Variants in TTC23L observed in about 807,000 individuals in gnomAD.
TTC23L encodes tetratricopeptide repeat protein 23-like.
A neutral mutation model predicts 48.1 loss-of-function variants in TTC23L; 42 were observed. That is an observed-to-expected ratio of 0.87 (90% CI 0.68 to 1.13). The LOEUF (loss-of-function observed/expected upper bound fraction) is 1.13. Ranked by LOEUF, TTC23L falls within the 50% of genes most tolerant of loss-of-function variation. The pLI, the probability that TTC23L is intolerant of heterozygous loss-of-function variation, is 0.00. For missense variants in TTC23L, 391 were observed against 421.0 expected, an observed-to-expected ratio of 0.93 and a Z score of 0.62; for synonymous variants, 159 against 157.2, an observed-to-expected ratio of 1.01 and a Z score of -0.09.
the TTC23L span, chr5:34,915,440 G>C: frequency 3.1e-6 from 1 of 326,650 alleles, no homozygotes; most frequent in African/African-American, 2.1e-5. Context: ...CTGGACGCCC[G>C]AGAGCCCTTC....
At chr5:34,925,543 T>C in the TTC23L span, 1 of 1,510,998 alleles carries the variant, frequency 6.6e-7, no homozygotes, top group South Asian at 1.3e-5. Flanking sequence ...ATTTATTTTG[T>C]ATTCAATGTG....
exon 9 of TTC23L, chr5:34,880,270 G>A (rs767790013): frequency 1.2e-6 from 2 of 1,613,028 alleles, no homozygotes; most frequent in Admixed American, 1.7e-5. Context: ...CACCACTGAA[G>A]AATTTTGCAA....
the TTC23L span, among the ~76,000 whole-genome samples, chr5:34,909,734 C>T: frequency 1.3e-5 from 2 of 152,176 alleles, no homozygotes; most frequent in Non-Finnish European, 2.9e-5. Context: ...CCCAATCCTA[C>T]ACCTAGGAAT....
rs531904463 is a variant in TTC23L at position 34,880,829 on chromosome 5, G to C, written c.1077+521G>C. On this transcript the variant is annotated intron_variant, in intron 9 of 10. Coordinates refer to ENST00000505624, the Ensembl canonical transcript of TTC23L. ...AATTTTTGTATTTTTAGTAGAGATG[G>C]GGTTTCTCCATGTTGACCAGTCTGG... 1.4e-3 allele frequency among the ~76,000 whole-genome samples: 211 copies of C among 152,114 alleles called. 1 individual carries two copies. Among genetic ancestry groups the C allele is most frequent in the African/African-American group, 4.7e-3 (197 of 41,492 alleles).
chr5:34,886,309 C>T (rs1762533325), intron 9 of TTC23L, among the ~76,000 whole-genome samples: 1 of 148,460 alleles, frequency 6.7e-6, no homozygotes, highest in South Asian at 2.1e-4. Flanking sequence ...ATGCCTTCTC[C>T]ATAGAGCTCA....
intron 3 of TTC23L, among the ~76,000 whole-genome samples, chr5:34,848,602 A>C (rs1411954980): frequency 6.6e-6 from 1 of 152,174 alleles, no homozygotes; most frequent in Non-Finnish European, 1.5e-5. Context: ...ATTTTAGATA[A>C]GGTGGCCAAA....
intron 4 of TTC23L, among the ~76,000 whole-genome samples, chr5:34,857,125 G>C (rs1158761579): frequency 4.6e-5 from 7 of 152,184 alleles, no homozygotes; most frequent in Non-Finnish European, 1.5e-5. Flanking sequence ...CAGAACAAGT[G>C]ACACTAGAAG....
intron 4 of TTC23L, among the ~76,000 whole-genome samples, chr5:34,855,484 G>A (rs1382570941): frequency 1.3e-5 from 2 of 152,186 alleles, no homozygotes; most frequent in African/African-American, 4.8e-5. Context: ...GGGTGAGAAG[G>A]TAAGGATTCA....
chr5:34,873,619 A>G (rs1761629020), intron 8 of TTC23L, among the ~76,000 whole-genome samples: 1 of 152,312 alleles, frequency 6.6e-6, no homozygotes, highest in East Asian at 1.9e-4. Flanking sequence ...GATCGCCTGC[A>G]TGTTGACACT....
exon 6 of TTC23L, chr5:34,864,549 C>T: frequency 1.2e-6 from 2 of 1,613,264 alleles, no homozygotes; most frequent in Non-Finnish European, 8.5e-7. Context: ...CGACCTAACA[C>T]TTGCTTTGGG....
chr5:34,859,556 G>GATTA (rs1760407891), intron 4 of TTC23L, among the ~76,000 whole-genome samples: 1 of 131,110 alleles, frequency 7.6e-6, no homozygotes, highest in South Asian at 2.7e-4. Context: ...TCATGAATGG[G>GATTA]ATTAAGGCCG....
intron 9 of TTC23L, among the ~76,000 whole-genome samples, chr5:34,895,276 C>T (rs951106371): frequency 2.6e-5 from 4 of 152,146 alleles, no homozygotes; most frequent in African/African-American, 9.7e-5. Context: ...ATCTTAAGCC[C>T]CACTTTTCTC....
chr5:34,895,785 A>T (rs1266049329), intron 9 of TTC23L, among the ~76,000 whole-genome samples: 4 of 152,160 alleles, frequency 2.6e-5, no homozygotes, highest in Admixed American at 2.0e-4. Context: ...AAAAGAAAGG[A>T]GGTGATATGC....
At chr5:34,877,793 AC>A (rs1761962369) in intron 8 of TTC23L, among the ~76,000 whole-genome samples, 1 of 152,164 alleles carries the variant, frequency 6.6e-6, no homozygotes, top group Non-Finnish European at 1.5e-5. Context: ...GTTTCCTCTC[AC>A]CACTCCTTTT....
the TTC23L span, chr5:34,911,636 CCT>C: frequency 6.2e-7 from 1 of 1,614,054 alleles, no homozygotes. Context: ...TCACGGAGCC[CCT>C]CTGACTGCAG....
intron 1 of TTC23L, chr5:34,839,627 T>G (rs985703657): frequency 6.0e-5 from 59 of 985,126 alleles, no homozygotes; most frequent in Non-Finnish European, 6.5e-5. Flanking sequence ...CTTTCTGATT[T>G]TCGGATAATG....
At chr5:34,889,981 T>C (rs955370758) in intron 9 of TTC23L, among the ~76,000 whole-genome samples, 1 of 151,720 alleles carries the variant, frequency 6.6e-6, no homozygotes, top group Non-Finnish European at 1.5e-5. Flanking sequence ...TGGGACTACA[T>C]GCGTATGCCA....
chr5:34,867,059 ACT>A lies in TTC23L; in HGVS notation c.831_832del (p.Leu278AlafsTer13). 6.2e-7 allele frequency: 1 copy of A among 1,610,418 alleles called. No homozygotes were observed. The highest frequency in any genetic ancestry group is 8.5e-7 in the Non-Finnish European group (1 of 1,178,414). On this transcript the variant is annotated frameshift_variant, in exon 7 of 11. Coordinates refer to ENST00000505624, the Ensembl canonical transcript of TTC23L. LOFTEE classifies it high-confidence loss of function. ...AGGAACCACAACCAGGCCATCCAGT[ACT>A]TGCAGCAGGTCAGTGGGTTGGCCAG...
intron 4 of TTC23L, among the ~76,000 whole-genome samples, chr5:34,854,080 G>A (rs1266762195): frequency 6.6e-6 from 1 of 152,158 alleles, no homozygotes. Flanking sequence ...TTTCCAATTA[G>A]ATTCCAAGTT....
Sources: gnomAD v4.1 joint callset for allele counts (sites outside exome capture counted in the v4.1 genomes callset) on GRCh38, gnomAD v4.1.1 for gene constraint, MANE v1.5 for transcripts, NCBI Gene and HGNC (gene_info 2026-07-23, HGNC 2026-07-21) for gene names.